HOMER2: variants seen among roughly 807,000 people sequenced by gnomAD.
HOMER2 encodes the protein homer protein homolog 2.
Under a neutral mutation model 47.0 loss-of-function variants are expected in HOMER2, and 27 were observed. The ratio of observed to expected loss-of-function variants is 0.57; its 90% confidence interval spans 0.42 to 0.79. The LOEUF (loss-of-function observed/expected upper bound fraction) is 0.79, where lower values mean the gene tolerates loss of function less well. Ranked by LOEUF, HOMER2 falls within the 30% of genes least tolerant of loss-of-function variation. The pLI, the probability that HOMER2 is intolerant of heterozygous loss-of-function variation, is 0.00. For synonymous variants in HOMER2, 161 were observed against 163.8 expected, an observed-to-expected ratio of 0.98 and a Z score of 0.13; for missense variants, 443 against 435.0, an observed-to-expected ratio of 1.02 and a Z score of -0.16.
chr15:82,979,807 G>C (rs1483324759), intron 1 of HOMER2, among the ~76,000 whole-genome samples: 2 of 152,158 alleles, frequency 1.3e-5, no homozygotes, highest in African/African-American at 2.4e-5. Context: ...CAGGAAGAAA[G>C]ATGAATTCCC....
chr15:82,868,054 T>C (rs2052033388), intron 3 of HOMER2, among the ~76,000 whole-genome samples: 1 of 152,154 alleles, frequency 6.6e-6, no homozygotes, highest in Non-Finnish European at 1.5e-5. Context: ...AAAATATATA[T>C]ATATGCTTGT....
At chr15:82,851,121 C>A in intron 8 of HOMER2, 30 bp downstream of exon 8, 3 of 1,447,152 alleles carry the variant, frequency 2.1e-6, no homozygotes, top group Non-Finnish European at 2.9e-6. Flanking sequence ...CTTGTCTGAG[C>A]CAGGATGGCT....
exon 2 of HOMER2, chr15:82,843,786 A>T (rs1424710991): frequency 6.6e-6 from 1 of 152,144 alleles, no homozygotes; most frequent in East Asian, 1.9e-4. Context: ...TGGGAGTATA[A>T]TTGGGTCTGT....
intron 1 of HOMER2, among the ~76,000 whole-genome samples, chr15:82,933,425 T>G (rs2054065876): frequency 1.3e-5 from 2 of 152,090 alleles, no homozygotes; most frequent in Admixed American, 1.3e-4. Context: ...AAAAAATGAC[T>G]GGTAGGGAAG....
At chr15:82,846,122 TGC>T (rs1310874020), downstream of HOMER2, 1 of 152,242 alleles carries the variant, frequency 6.6e-6, no homozygotes, top group African/African-American at 2.4e-5. Flanking sequence ...CAGAAAGGAG[TGC>T]ATCTCCAGGA....
intron 1 of HOMER2, among the ~76,000 whole-genome samples, chr15:82,900,744 A>G (rs1678159446): frequency 6.6e-6 from 1 of 152,206 alleles, no homozygotes; most frequent in South Asian, 2.1e-4. Context: ...AAGAGTCTGC[A>G]TCTGCTGGAC....
chr15:82,924,604 A>C (rs2053813287), intron 1 of HOMER2, among the ~76,000 whole-genome samples: 1 of 152,150 alleles, frequency 6.6e-6, no homozygotes, highest in South Asian at 2.1e-4. Flanking sequence ...CTAAACAGAA[A>C]ATGCCTTTCC....
chr15:82,980,972 GA>G (rs1328394071), intron 1 of HOMER2, among the ~76,000 whole-genome samples: 2 of 152,210 alleles, frequency 1.3e-5, no homozygotes. Flanking sequence ...GAGATAGTCT[GA>G]AGAGGATACA....
At chr15:82,846,277 T>C (rs2051246373), downstream of HOMER2, 1 of 152,220 alleles carries the variant, frequency 6.6e-6, no homozygotes, top group African/African-American at 2.4e-5. Flanking sequence ...TTGTTTTCCA[T>C]AGAACTGGCC....
At chr15:82,840,043 T>C (rs1414073771) in exon 2 of HOMER2, 1 of 152,040 alleles carries the variant, frequency 6.6e-6, no homozygotes, top group Non-Finnish European at 1.5e-5. Context: ...AAAACTCCAG[T>C]AAAAAATAAA....
At chr15:82,930,748 G>A (rs2053984850) in intron 1 of HOMER2, among the ~76,000 whole-genome samples, 1 of 152,214 alleles carries the variant, frequency 6.6e-6, no homozygotes, top group Non-Finnish European at 1.5e-5. Flanking sequence ...CATTCTGGCT[G>A]GGTGTGGTGG....
intron 2 of HOMER2, among the ~76,000 whole-genome samples, chr15:82,890,768 C>T (rs1327661957): frequency 1.3e-5 from 2 of 152,156 alleles, no homozygotes; most frequent in Non-Finnish European, 2.9e-5. Context: ...AAAGTACAAA[C>T]CCATCGAAGG....
chr15:82,880,506 G>C (rs1596321406), intron 2 of HOMER2, among the ~76,000 whole-genome samples: 1 of 152,196 alleles, frequency 6.6e-6, no homozygotes, highest in East Asian at 1.9e-4. Context: ...GGTACATATG[G>C]GTTTGCTTTA....
intron 3 of HOMER2, among the ~76,000 whole-genome samples, chr15:82,875,027 G>C (rs2052301824): frequency 6.6e-6 from 1 of 152,162 alleles, no homozygotes; most frequent in Admixed American, 6.5e-5. Flanking sequence ...GGATGGACTG[G>C]CCACACTGCA....
At chr15:82,953,545 G>A (rs1328743847), upstream of HOMER2, among the ~76,000 whole-genome samples, 1 of 152,026 alleles carries the variant, frequency 6.6e-6, no homozygotes, top group African/African-American at 2.4e-5. Flanking sequence ...GGAACACACC[G>A]CCCACATAAG....
At chr15:82,860,563 G>A (rs1407497467) in intron 4 of HOMER2, among the ~76,000 whole-genome samples, 1 of 152,052 alleles carries the variant, frequency 6.6e-6, no homozygotes, top group Non-Finnish European at 1.5e-5. Context: ...ACTTAAAAAG[G>A]GGTAGGTAAT....
chr15:82,969,744 C>G (rs1175655937), intron 1 of HOMER2, among the ~76,000 whole-genome samples: 1 of 152,052 alleles, frequency 6.6e-6, no homozygotes, highest in Non-Finnish European at 1.5e-5. Flanking sequence ...AAATTGAAAC[C>G]ATAGTAATAA....
intron 5 of HOMER2, among the ~76,000 whole-genome samples, chr15:82,855,518 C>T (rs998156256): frequency 6.6e-6 from 1 of 152,100 alleles, no homozygotes; most frequent in Non-Finnish European, 1.5e-5. Flanking sequence ...GACGGACCTC[C>T]AGGACGCTGG....
rs190218637 is a variant in HOMER2 at position 82,867,351 on chromosome 15, C to A, written c.295-3092G>T. Among the ~76,000 whole-genome samples, 6 of 137,070 alleles carry A rather than the reference C, an allele frequency of 4.4e-5. No individual in the cohort carries two copies. In the East Asian group the frequency reaches 1.1e-3, roughly 25 times the overall value. The allele number at this position is 137,070 out of a possible 152,430, so 89.9% of individuals were successfully genotyped here. On this transcript the variant is annotated intron_variant, in intron 3 of 8. Coordinates refer to ENST00000450735, the MANE Select transcript of HOMER2 (RefSeq NM_004839.4). ...GACTTCACTACATAATAATTTAAAGCTTTTGAATATAAAAGGAAAAAAAAA... is the reference window on the plus strand; with the variant it reads ...GACTTCACTACATAATAATTTAAAGATTTTGAATATAAAAGGAAAAAAAAA...
Sources: gnomAD v4.1 joint callset for allele counts (sites outside exome capture counted in the v4.1 genomes callset) on GRCh38, gnomAD v4.1.1 for gene constraint, MANE v1.5 for transcripts, NCBI Gene and HGNC (gene_info 2026-07-23, HGNC 2026-07-21) for gene names.